The following DGKH variants were observed in gnomAD, a reference collection of about 807,000 sequenced individuals.
The protein encoded by DGKH is diacylglycerol kinase eta.
A neutral mutation model predicts 159.3 loss-of-function variants in DGKH; 90 were observed. That is an observed-to-expected ratio of 0.57 (90% CI 0.48 to 0.67). The LOEUF is 0.67. Ranked by LOEUF, DGKH falls within the 30% of genes least tolerant of loss-of-function variation. DGKH has a pLI of 0.00. For missense variants in DGKH, 1,181 were observed against 1,506.1 expected, an observed-to-expected ratio of 0.78 and a Z score of 3.57; for synonymous variants, 536 against 553.8, an observed-to-expected ratio of 0.97 and a Z score of 0.45.
intron 14 of DGKH, 41 bp downstream of exon 14, chr13:42,187,189 C>A (rs1403786764): frequency 6.7e-7 from 1 of 1,496,420 alleles, no homozygotes; most frequent in South Asian, 1.1e-5. Context: ...TGTTTATGGA[C>A]AATGCTCACA....
chr13:42,043,376 CAG>C (rs769567904), intron 1 of DGKH, among the ~76,000 whole-genome samples: 6 of 151,852 alleles, frequency 4.0e-5, no homozygotes, highest in South Asian at 2.1e-4. Context: ...TTTTTTGAGA[CAG>C]GGGCTTGCTG....
In DGKH at chr13:42,207,715, A is replaced by ATATATATATATATC. The variant is rs1429229353; in HGVS notation, c.2602-1243_2602-1242insATATATATATATCT. On this transcript the variant is annotated intron_variant, in intron 21 of 29. Coordinates refer to ENST00000337343, the MANE Select transcript of DGKH (RefSeq NM_178009.5). ...AGTGTGTATATATATATATATATAT[A>ATATATATATATATC]TCAGTAAAAATGAGAAGTGTTATCA... Among the ~76,000 whole-genome samples the ATATATATATATATC allele has an allele frequency of 1.1e-3, 168 of 147,728 alleles. 2 individuals carry two copies. The highest frequency in any genetic ancestry group is 2.0e-3 in the Non-Finnish European group (135 of 66,916).
chr13:42,226,067 T>A (rs1435310624), intron 29 of DGKH, among the ~76,000 whole-genome samples: 1 of 151,934 alleles, frequency 6.6e-6, no homozygotes, highest in South Asian at 2.1e-4. Flanking sequence ...AAAGGTCTAA[T>A]ATCCAGAATC....
intron 1 of DGKH, among the ~76,000 whole-genome samples, chr13:42,085,332 C>T (rs943514864): frequency 1.3e-5 from 2 of 152,086 alleles, no homozygotes; most frequent in Non-Finnish European, 2.9e-5. Context: ...CTTCTCTCTC[C>T]CCAAAATGGC....
At chr13:42,196,625 T>C (rs60039389) in intron 17 of DGKH, among the ~76,000 whole-genome samples, 18,152 of 152,038 alleles carry the variant, frequency 0.12, 1,543 homozygotes, top group East Asian at 0.4. Context: ...GGAGGTGAGG[T>C]GATCGACGGA....
chr13:42,070,521 A>G (rs1189817981), intron 1 of DGKH: 26 of 1,366,398 alleles, frequency 1.9e-5, no homozygotes, highest in Middle Eastern at 1.8e-4. Context: ...TTAGTAACCA[A>G]TCCTTCAAAA....
At chr13:42,163,944 A>G (rs1410912714) in intron 7 of DGKH, among the ~76,000 whole-genome samples, 2 of 152,120 alleles carry the variant, frequency 1.3e-5, no homozygotes, top group Non-Finnish European at 2.9e-5. Flanking sequence ...GCCCATGCCT[A>G]TGTCCTGAAT....
At position 42,227,096 on chromosome 13, in the gene DGKH, G is replaced by T. The variant is rs115152522; in HGVS notation, c.3574-2003G>T. Among the ~76,000 whole-genome samples, 1,323 of 152,076 alleles carry T rather than the reference G, an allele frequency of 8.7e-3. 17 individuals carry two copies. The highest frequency in any genetic ancestry group is 0.029 in the African/African-American group (1,195 of 41,466). On this transcript the variant is annotated intron_variant, in intron 29 of 29. Transcript: ENST00000337343. ...ACAGGGAGGGGAACAACATACACTGGGTCCTGTTGTGGGGGCAGAAGGAGG... is the reference window on the plus strand; with the variant it reads ...ACAGGGAGGGGAACAACATACACTGTGTCCTGTTGTGGGGGCAGAAGGAGG...
At chr13:42,136,183 G>A (rs955584213) in intron 3 of DGKH, among the ~76,000 whole-genome samples, 1 of 152,132 alleles carries the variant, frequency 6.6e-6, no homozygotes, top group Non-Finnish European at 1.5e-5. Flanking sequence ...TTATTCTCCC[G>A]AGTTTATCAT....
chr13:42,156,819 T>G (rs1956059307), intron 5 of DGKH, among the ~76,000 whole-genome samples: 1 of 152,208 alleles, frequency 6.6e-6, no homozygotes, highest in African/African-American at 2.4e-5. Flanking sequence ...TTCAACTATT[T>G]AATATGATAC....
chr13:42,102,560 A>T (rs1954671635), intron 1 of DGKH, among the ~76,000 whole-genome samples: 1 of 152,268 alleles, frequency 6.6e-6, no homozygotes, highest in African/African-American at 2.4e-5. Flanking sequence ...AAACCTCTGC[A>T]GAATGAATGA....
At chr13:42,089,655 T>C (rs1555259767) in intron 1 of DGKH, among the ~76,000 whole-genome samples, 1 of 152,210 alleles carries the variant, frequency 6.6e-6, no homozygotes, top group Non-Finnish European at 1.5e-5. Flanking sequence ...CCATCTCTGC[T>C]TCTCTGCCTT....
chr13:42,050,335 C>T lies in DGKH; in HGVS notation c.192+1370C>T, dbSNP rs140933717. The stretch of plus-strand genomic sequence containing the variant: ...GTGGCGAGCAGAGATTGTGCCACTG[C>T]ACTCCAGCCTGAGCGACAAAAAAAA... On this transcript the variant is annotated intron_variant, in intron 1 of 29. Coordinates refer to ENST00000337343, the MANE Select transcript of DGKH (RefSeq NM_178009.5). Among the ~76,000 whole-genome samples the T allele has an allele frequency of 3.7e-3, 571 of 152,286 alleles. 4 individuals carry two copies. The highest frequency in any genetic ancestry group is 0.013 in the African/African-American group (549 of 41,548).
chr13:42,131,078 A>G (rs1955278787), intron 3 of DGKH, among the ~76,000 whole-genome samples: 1 of 152,066 alleles, frequency 6.6e-6, no homozygotes, highest in South Asian at 2.1e-4. Context: ...ATTTGGTCCC[A>G]TTGATGTGAG....
intron 1 of DGKH, among the ~76,000 whole-genome samples, chr13:42,102,378 G>A (rs1954668317): frequency 1.3e-5 from 2 of 152,362 alleles, no homozygotes; most frequent in African/African-American, 4.8e-5. Context: ...GAAGCCTGGT[G>A]GCTTTTTAAA....
intron 1 of DGKH, among the ~76,000 whole-genome samples, chr13:42,040,988 C>T (rs1880463462): frequency 2.0e-5 from 3 of 151,192 alleles, no homozygotes; most frequent in South Asian, 2.1e-4. Flanking sequence ...CTCCTTTGCT[C>T]CCCCCGCCCG....
chr13:42,098,871 A>G (rs189232921), intron 1 of DGKH, among the ~76,000 whole-genome samples: 4 of 152,368 alleles, frequency 2.6e-5, no homozygotes, highest in Non-Finnish European at 2.9e-5. Context: ...AACTTTTAAT[A>G]TGAAAGGACA....
intron 3 of DGKH, among the ~76,000 whole-genome samples, chr13:42,132,949 A>G (rs1955319131): frequency 1.3e-5 from 2 of 152,042 alleles, no homozygotes; most frequent in South Asian, 4.1e-4. Flanking sequence ...TGGGCAGATC[A>G]TGAGGTCAGG....
At position 42,080,350 on chromosome 13, in the gene DGKH, A is replaced by G. The variant is rs145595994; in HGVS notation, c.192+31385A>G. Among the ~76,000 whole-genome samples the G allele has an allele frequency of 4.4e-3, 673 of 152,272 alleles. 2 individuals are homozygous for G. Among genetic ancestry groups the G allele is most frequent in the Non-Finnish European group, 7.5e-3 (512 of 68,014 alleles). On this transcript the variant is annotated intron_variant, in intron 1 of 29. Coordinates refer to ENST00000337343, the MANE Select transcript of DGKH (RefSeq NM_178009.5). The stretch of plus-strand genomic sequence containing the variant: ...TTTCGTACCATATAGGTGGATGAGC[A>G]CTTGTGGTTATGAGATGGATTTCTG...
Sources: gnomAD v4.1 joint callset for allele counts (sites outside exome capture counted in the v4.1 genomes callset) on GRCh38, gnomAD v4.1.1 for gene constraint, MANE v1.5 for transcripts, NCBI Gene and HGNC (gene_info 2026-07-23, HGNC 2026-07-21) for gene names.